The following CPVL variants were observed in gnomAD, a reference collection of about 807,000 sequenced individuals.
The protein encoded by CPVL is probable serine carboxypeptidase CPVL.
In CPVL, 51 loss-of-function variants were observed where a neutral mutation model predicts 63.7. That is an observed-to-expected ratio of 0.80 (90% CI 0.64 to 1.01). CPVL has a LOEUF of 1.01. Ranked by LOEUF, CPVL falls within the 50% of genes least tolerant of loss-of-function variation. The probability of loss-of-function intolerance (pLI) is 0.00; values close to 1 mark genes in which losing one functional copy is unlikely to be tolerated. For synonymous variants in CPVL, 195 were observed against 206.0 expected (o/e 0.95, Z 0.46); for missense variants, 530 against 573.1 (o/e 0.92, Z 0.77).
chr7:29,160,623 C>G (rs1795046384), intron 5 of CPVL, among the ~76,000 whole-genome samples: 1 of 152,092 alleles, frequency 6.6e-6, no homozygotes, highest in Non-Finnish European at 1.5e-5. Context: ...AATCTTCAGC[C>G]CTAACCCCAG....
intron 1 of CPVL, chr7:29,127,674 A>G (rs1331225686): frequency 6.6e-6 from 1 of 152,206 alleles, no homozygotes; most frequent in Admixed American, 6.5e-5. Context: ...AGAGCTGGCC[A>G]TGAAAGAATT....
At chr7:29,053,325 C>A (rs1184112237) in intron 11 of CPVL, among the ~76,000 whole-genome samples, 1 of 152,154 alleles carries the variant, frequency 6.6e-6, no homozygotes, top group Admixed American at 6.5e-5. Flanking sequence ...TCACAATAAT[C>A]ACAAAGTGGA....
chr7:29,170,762 T>TTA (rs1796494369), intron 5 of CPVL, among the ~76,000 whole-genome samples: 1 of 152,210 alleles, frequency 6.6e-6, no homozygotes, highest in South Asian at 2.1e-4. Flanking sequence ...TTAATTGGAC[T>TTA]TATAGTTCCA....
intron 11 of CPVL, among the ~76,000 whole-genome samples, chr7:29,052,122 T>A (rs1400094093): frequency 6.6e-6 from 1 of 151,858 alleles, no homozygotes; most frequent in African/African-American, 2.4e-5. Context: ...GGCATAAGAA[T>A]GATACAGTGG....
chr7:29,020,897 C>T (rs775687179), intron 12 of CPVL, among the ~76,000 whole-genome samples: 3 of 152,098 alleles, frequency 2.0e-5, no homozygotes, highest in East Asian at 3.8e-4. Context: ...TGTTACAGGC[C>T]GAGCGTGGTG....
chr7:29,021,306 A>C (rs1195235927), intron 12 of CPVL, among the ~76,000 whole-genome samples: 1 of 152,184 alleles, frequency 6.6e-6, no homozygotes, highest in East Asian at 1.9e-4. Flanking sequence ...TCCCATATCT[A>C]CTTTAGAAAT....
chr7:29,024,703 A>C (rs1327461208), intron 12 of CPVL, among the ~76,000 whole-genome samples: 1 of 152,250 alleles, frequency 6.6e-6, no homozygotes, highest in African/African-American at 2.4e-5. Flanking sequence ...CAAAGTGCTG[A>C]AAGAACAAAA....
At chr7:29,144,443 T>G (rs562945180) in intron 1 of CPVL, among the ~76,000 whole-genome samples, 53 of 152,176 alleles carry the variant, frequency 3.5e-4, no homozygotes, top group African/African-American at 1.1e-3. Flanking sequence ...CACCTGTAAT[T>G]CCAGCTACTC....
At chr7:29,106,190 T>C (rs1787701480) in intron 3 of CPVL, among the ~76,000 whole-genome samples, 1 of 151,608 alleles carries the variant, frequency 6.6e-6, no homozygotes. Context: ...GCCTGAAAGG[T>C]TGCACACAGC....
chr7:29,099,875 T>C (rs1460804105), intron 3 of CPVL, among the ~76,000 whole-genome samples: 6 of 152,218 alleles, frequency 3.9e-5, no homozygotes, highest in Admixed American at 2.0e-4. Flanking sequence ...AGTTTCCTCG[T>C]CTGTCAAATG....
chr7:29,049,633 G>A (rs866289772), intron 11 of CPVL, among the ~76,000 whole-genome samples: 7 of 152,096 alleles, frequency 4.6e-5, no homozygotes, highest in Admixed American at 3.9e-4. Context: ...CCACGACATA[G>A]AGAAAGAGGG....
chr7:29,159,533 T>C lies in CPVL; in HGVS notation c.-11+21757A>G, dbSNP rs73304191. 7.0e-3 allele frequency among the ~76,000 whole-genome samples: 1,067 copies of C among 152,290 alleles called. 19 individuals are homozygous for C. The highest frequency in any genetic ancestry group is 0.024 in the African/African-American group (1,014 of 41,562). On this transcript the variant is annotated intron_variant, in intron 5 of 16. Coordinates refer to the CPVL transcript ENST00000409850. ...ATCATGTAACATGTATGTGTTATCA[T>C]TGTAGTTCTCCTATGTAGAGTGATG...
At chr7:29,109,406 G>A (rs1158871128) in intron 3 of CPVL, among the ~76,000 whole-genome samples, 1 of 151,948 alleles carries the variant, frequency 6.6e-6, no homozygotes, top group Non-Finnish European at 1.5e-5. Flanking sequence ...TTTTAAAGGG[G>A]TCATTTCTCC....
intron 5 of CPVL, among the ~76,000 whole-genome samples, chr7:29,153,483 C>T (rs1793898503): frequency 6.6e-6 from 1 of 152,172 alleles, no homozygotes; most frequent in South Asian, 2.1e-4. Context: ...CCTCTTCAGC[C>T]TATTCAATGT....
At chr7:29,105,004 A>G (rs755411528) in intron 3 of CPVL, among the ~76,000 whole-genome samples, 1 of 152,128 alleles carries the variant, frequency 6.6e-6, no homozygotes, top group East Asian at 1.9e-4. Flanking sequence ...CTATTCTTCT[A>G]TATCTCTGAT....
chr7:29,109,980 C>T (rs1398246538), intron 3 of CPVL, among the ~76,000 whole-genome samples: 2 of 152,204 alleles, frequency 1.3e-5, no homozygotes, highest in Non-Finnish European at 2.9e-5. Flanking sequence ...TGCCAAAGCA[C>T]CACCTACATT....
intron 12 of CPVL, among the ~76,000 whole-genome samples, chr7:29,016,272 AC>A (rs1236344621): frequency 2.7e-5 from 4 of 150,918 alleles, no homozygotes; most frequent in South Asian, 2.1e-4. Context: ...AATCGCTTGA[AC>A]CCAGGAGGTG....
chr7:29,103,892 A>G (rs941903885), intron 3 of CPVL, among the ~76,000 whole-genome samples: 5 of 152,172 alleles, frequency 3.3e-5, no homozygotes, highest in Admixed American at 1.3e-4. Flanking sequence ...AATGTGTTCT[A>G]CCTTAATTGA....
At position 29,046,567 on chromosome 7, in the gene CPVL, GCACACA is replaced by G. The variant is rs10546847; in HGVS notation, c.1138-15814_1138-15809del. 2.2e-3 allele frequency among the ~76,000 whole-genome samples: 322 copies of G among 149,746 alleles called. 1 individual carries two copies. The highest frequency in any genetic ancestry group is 5.6e-3 in the African/African-American group (228 of 40,894). ...GACACACACATGCACGTGCGCGCGT[GCACACA>G]CACACACACACACACACACATACTC... On this transcript the variant is annotated intron_variant, in intron 11 of 12. Coordinates refer to ENST00000265394, the MANE Select transcript of CPVL (RefSeq NM_031311.5).
Sources: gnomAD v4.1 joint callset for allele counts (sites outside exome capture counted in the v4.1 genomes callset) on GRCh38, gnomAD v4.1.1 for gene constraint, MANE v1.5 for transcripts, NCBI Gene and HGNC (gene_info 2026-07-23, HGNC 2026-07-21) for gene names.